The following NUP155 variants were observed in gnomAD, a reference collection of about 807,000 sequenced individuals.
NUP155 encodes the protein nucleoporin 155, also known as nuclear pore complex protein Nup155.
NUP155 carries 71 observed loss-of-function variants against 180.4 expected under a neutral mutation model. The ratio of observed to expected loss-of-function variants is 0.39; its 90% CI spans 0.33 to 0.48. The LOEUF (loss-of-function observed/expected upper bound fraction) is 0.48. Ranked by LOEUF, NUP155 falls within the 20% of genes least tolerant of loss-of-function variation. The pLI is 0.91. For missense variants in NUP155, 1,553 were observed against 1,648.9 expected, an observed-to-expected ratio of 0.94 and a Z score of 1.01; for synonymous variants, 582 against 559.5, an observed-to-expected ratio of 1.04 and a Z score of -0.57.
chr5:37,351,642 G>T (rs930072377), intron 5 of NUP155, among the ~76,000 whole-genome samples: 1 of 151,654 alleles, frequency 6.6e-6, no homozygotes, highest in African/African-American at 2.4e-5. Flanking sequence ...GTAGAGGCAA[G>T]GTTTCACCGT....
Position 37,296,118 on chromosome 5 carries a change from C to T in NUP155, c.3794-1653G>A, listed in dbSNP as rs1453674370. Among the ~76,000 whole-genome samples the T allele has an allele frequency of 7.9e-5, 12 of 151,808 alleles. No homozygotes were observed. The East Asian group carries it at 1.8e-3, about 22-fold the overall frequency. On this transcript the variant is annotated intron_variant, in intron 32 of 34. Coordinates refer to ENST00000231498, the MANE Select transcript of NUP155 (RefSeq NM_153485.3). ...GAGGTGAGGGGCACCTCTGCCCGGC[C>T]GCCCCTACTGGGAAGTGAGGAGCCC...
At chr5:37,353,164 C>T (rs936010494) in intron 4 of NUP155, among the ~76,000 whole-genome samples, 3 of 151,602 alleles carry the variant, frequency 2.0e-5, no homozygotes, top group African/African-American at 7.3e-5. Flanking sequence ...TATTTGTATA[C>T]CCATGTTCAT....
At chr5:37,327,914 G>T in intron 17 of NUP155, 138 bp from the exon 18 acceptor site, 1 of 872,976 alleles carries the variant, frequency 1.1e-6, no homozygotes, top group Non-Finnish European at 1.8e-6. Context: ...CCAAGTTTGT[G>T]TATCTAGACA....
intron 24 of NUP155, among the ~76,000 whole-genome samples, chr5:37,308,099 T>C (rs990026986): frequency 6.6e-6 from 1 of 152,068 alleles, no homozygotes; most frequent in Non-Finnish European, 1.5e-5. Flanking sequence ...CTTTACATTA[T>C]GTTAGATTTG....
chr5:37,331,531 G>A (rs185113014), intron 14 of NUP155, among the ~76,000 whole-genome samples, 154 bp downstream of exon 14: 168 of 152,252 alleles, frequency 1.1e-3, no homozygotes, highest in Middle Eastern at 0.01. Flanking sequence ...CCAAGATTGC[G>A]CCATTGCACT....
Position 37,299,445 on chromosome 5 carries a change from T to G in NUP155, c.3682+3A>C. The G allele has an allele frequency of 6.2e-7, 1 of 1,614,078 alleles. No homozygotes were observed. The highest frequency in any genetic ancestry group is 1.1e-5 in the South Asian group (1 of 91,078). ...GCTAACATACCTATAACTGAACACTTACCTTTCTCTATGATATCTTGCCAA... is the reference window on the plus strand; with the variant it reads ...GCTAACATACCTATAACTGAACACTGACCTTTCTCTATGATATCTTGCCAA... On this transcript the variant is annotated splice_donor_region_variant and intron_variant, in intron 31 of 34. Transcript: ENST00000231498.
intron 9 of NUP155, among the ~76,000 whole-genome samples, chr5:37,347,384 A>G (rs217779): frequency 0.027 from 4,096 of 152,222 alleles, 200 homozygotes; most frequent in African/African-American, 0.093. Context: ...TATATTTCCA[A>G]CTATCAAACA....
intron 25 of NUP155, among the ~76,000 whole-genome samples, chr5:37,306,993 T>C (rs1029567811): frequency 2.0e-5 from 3 of 151,394 alleles, no homozygotes; most frequent in Non-Finnish European, 4.4e-5. Flanking sequence ...AGGTTAGGAA[T>C]TCAAGACCAG....
At chr5:37,350,105 G>C in intron 7 of NUP155, 55 bp downstream of exon 7, 1 of 1,155,786 alleles carries the variant, frequency 8.7e-7, no homozygotes, top group Non-Finnish European at 1.3e-6. Flanking sequence ...AAACGTTGAG[G>C]GAACAATGTG....
chr5:37,321,724 G>A (rs185137881), intron 20 of NUP155, among the ~76,000 whole-genome samples: 169 of 152,090 alleles, frequency 1.1e-3, no homozygotes, highest in African/African-American at 4.0e-3. Context: ...CTCGGCAGGG[G>A]CAGGGGAATA....
At chr5:37,365,378 T>A (rs1219858507) in intron 1 of NUP155, among the ~76,000 whole-genome samples, 1 of 151,946 alleles carries the variant, frequency 6.6e-6, no homozygotes, top group African/African-American at 2.4e-5. Flanking sequence ...TCATTTCACA[T>A]TGCATGCCTG....
intron 32 of NUP155, 90 bp from the exon 33 acceptor site, chr5:37,294,555 G>T: frequency 2.3e-6 from 3 of 1,302,878 alleles, no homozygotes; most frequent in Non-Finnish European, 2.2e-6. Flanking sequence ...GTTTCTAGGG[G>T]GATATCTTCT....
Position 37,351,264 on chromosome 5 carries a change from T to C in NUP155, c.649A>G (p.Thr217Ala), listed in dbSNP as rs1473309089. Residue 217 changes from threonine to alanine, a missense_variant, in exon 6 of 35, where the codon ACA (threonine) becomes GCA (alanine). By Grantham distance (58) the Thr-to-Ala change is moderately conservative. Transcript: ENST00000231498. ...CTGCCATTATCAGTGGAAGTTATTG[T>C]TAAAAGGTAAGTATTATCAGTAGGA... The part of the protein sequence containing the change: ...SLPTDNTYLL[T>A]ITSTDNGRIF... 6.2e-7 allele frequency: 1 copy of C among 1,613,412 alleles called. No individual in the cohort carries two copies. Among genetic ancestry groups the C allele is most frequent in the Admixed American group, 1.7e-5 (1 of 59,998 alleles).
In NUP155 at chr5:37,366,121, C is replaced by T. The variant is rs145620812; in HGVS notation, c.158-1737G>A. Among the ~76,000 whole-genome samples, 198 of 152,200 alleles carry T rather than the reference C, an allele frequency of 1.3e-3. 2 individuals are homozygous for T. Among genetic ancestry groups the T allele is most frequent in the African/African-American group, 4.6e-3 (190 of 41,542 alleles). ...CTCTATAAAGTGTTCTCATGGGCAA[C>T]CTTTCTCTTGCTCTAAGACTCCATC... On this transcript the variant is annotated intron_variant, in intron 1 of 34. Transcript: ENST00000231498.
chr5:37,355,535 G>C (rs1384662435), intron 4 of NUP155, among the ~76,000 whole-genome samples: 1 of 129,902 alleles, frequency 7.7e-6, no homozygotes, highest in Non-Finnish European at 1.6e-5. Flanking sequence ...GTTAAAGAAT[G>C]TGTGTGTGTG....
At chr5:37,335,155 C>T in intron 12 of NUP155, among the ~76,000 whole-genome samples, 1 of 99,628 alleles carries the variant, frequency 1.0e-5, no homozygotes, top group East Asian at 2.7e-4. Context: ...AAGACTCTGT[C>T]ACAAAAAAAA....
At chr5:37,322,648 A>C (rs898941480) in intron 20 of NUP155, among the ~76,000 whole-genome samples, 3 of 149,560 alleles carry the variant, frequency 2.0e-5, no homozygotes, top group Non-Finnish European at 3.0e-5. Context: ...CGGAGGTTGC[A>C]GTGAGCTGAG....
chr5:37,309,000 C>T, intron 24 of NUP155, 129 bp downstream of exon 24: 1 of 868,188 alleles, frequency 1.2e-6, no homozygotes, highest in South Asian at 1.5e-5. Flanking sequence ...CGTCCTTTCA[C>T]TCGGCCTCTG....
At chr5:37,317,967 T>G (rs1744007220) in intron 21 of NUP155, 21 bp downstream of exon 21, 1 of 1,373,538 alleles carries the variant, frequency 7.3e-7, no homozygotes, top group African/African-American at 1.4e-5. Context: ...TACGCTTAAC[T>G]GATGAGAAGC....
Sources: allele counts gnomAD v4.1 joint callset (sites outside exome capture counted in the v4.1 genomes callset), GRCh38; gene constraint gnomAD v4.1.1; transcripts MANE v1.5; gene names NCBI Gene and HGNC (gene_info 2026-07-23, HGNC 2026-07-21).